The following TUSC3 variants were observed in gnomAD, a reference collection of about 807,000 sequenced individuals.
The protein encoded by TUSC3 is dolichyl-diphosphooligosaccharide--protein glycosyltransferase subunit TUSC3.
A neutral mutation model predicts 44.8 loss-of-function variants in TUSC3; 45 were observed. That is an observed-to-expected ratio of 1.00 (90% CI 0.79 to 1.29). The LOEUF is 1.29. TUSC3 is among the 50% of genes most tolerant of loss of function. The pLI, the probability that TUSC3 is intolerant of heterozygous loss-of-function variation, is 0.00. For missense variants in TUSC3, 519 were observed against 437.9 expected (o/e 1.19, Z -1.65); for synonymous variants, 212 against 152.9 (o/e 1.39, Z -2.85).
chr8:15,435,693 T>C (rs1799936886), intron 1 of TUSC3, among the ~76,000 whole-genome samples: 1 of 152,302 alleles, frequency 6.6e-6, no homozygotes, highest in East Asian at 1.9e-4. Context: ...GGAATAAAAA[T>C]CTCACCTTAC....
chr8:15,562,502 C>T (rs879922536), intron 1 of TUSC3, among the ~76,000 whole-genome samples: 2 of 152,076 alleles, frequency 1.3e-5, no homozygotes, highest in Non-Finnish European at 2.9e-5. Context: ...ACACCCATTT[C>T]TTATCTCCTA....
chr8:15,782,403 C>T, the TUSC3 span, among the ~76,000 whole-genome samples: 1 of 152,066 alleles, frequency 6.6e-6, no homozygotes, highest in African/African-American at 2.4e-5. Flanking sequence ...CAGTTGGGCT[C>T]AGGAATTTGA....
intron 1 of TUSC3, among the ~76,000 whole-genome samples, chr8:15,618,797 T>A (rs565756250): frequency 6.6e-6 from 1 of 152,334 alleles, no homozygotes; most frequent in South Asian, 2.1e-4. Flanking sequence ...AGTAGCTTTG[T>A]TTACACCAGC....
intron 6 of TUSC3, among the ~76,000 whole-genome samples, chr8:15,717,070 A>C (rs1391149513): frequency 1.3e-5 from 2 of 152,128 alleles, no homozygotes; most frequent in African/African-American, 2.4e-5. Context: ...TTTTCCCTAC[A>C]ATAGACAGAA....
intron 1 of TUSC3, among the ~76,000 whole-genome samples, chr8:15,574,014 G>A (rs1198131565): frequency 6.6e-6 from 1 of 152,036 alleles, no homozygotes; most frequent in African/African-American, 2.4e-5. Flanking sequence ...CCATTTTTTG[G>A]TGATGTTTTG....
intron 6 of TUSC3, among the ~76,000 whole-genome samples, chr8:15,688,231 A>G (rs1450329693): frequency 1.3e-5 from 2 of 152,156 alleles, no homozygotes; most frequent in South Asian, 4.1e-4. Context: ...TACATTCAGG[A>G]TTGAAAAAAG....
At chr8:15,596,679 A>T (rs1046079762) in intron 1 of TUSC3, among the ~76,000 whole-genome samples, 1 of 152,060 alleles carries the variant, frequency 6.6e-6, no homozygotes, top group South Asian at 2.1e-4. Context: ...AATTGATTTT[A>T]TTTAATTGAT....
intron 3 of TUSC3, among the ~76,000 whole-genome samples, chr8:15,654,332 T>G (rs964992578): frequency 3.3e-5 from 5 of 152,156 alleles, no homozygotes; most frequent in African/African-American, 9.7e-5. Flanking sequence ...AACTGGTAAC[T>G]GTGTGCTTTG....
chr8:15,556,435 G>C (rs997957609), intron 1 of TUSC3, among the ~76,000 whole-genome samples: 1 of 151,330 alleles, frequency 6.6e-6, no homozygotes, highest in Non-Finnish European at 1.5e-5. Context: ...CCAAGTCTTT[G>C]CTGTTGTGAA....
At chr8:15,630,191 T>C (rs1005772371) in intron 2 of TUSC3, among the ~76,000 whole-genome samples, 2 of 152,024 alleles carry the variant, frequency 1.3e-5, no homozygotes, top group Non-Finnish European at 2.9e-5. Flanking sequence ...GAAAATTCAG[T>C]TGAAGGGAAA....
intron 1 of TUSC3, among the ~76,000 whole-genome samples, chr8:15,461,295 A>T (rs1800341350): frequency 6.6e-6 from 1 of 151,724 alleles, no homozygotes; most frequent in Non-Finnish European, 1.5e-5. Context: ...TTGTTTTTGC[A>T]GCTATTGTAA....
In TUSC3 at chr8:15,485,472, T is replaced by TG. The variant is rs1210579490; in HGVS notation, n.189+1989_189+1990insG. Among the ~76,000 whole-genome samples, 18 of 151,340 alleles carry TG rather than the reference T, an allele frequency of 1.2e-4. No homozygotes were observed. The South Asian group carries it at 1.3e-3, about 11-fold the overall frequency. On this transcript the variant is annotated intron_variant and non_coding_transcript_variant, in intron 2 of 5. Transcript: ENST00000503191. ...TCATTATACTCTGTTGTCTTTTTTT[T>TG]TTTGTTTTTTGTGACACAGAGTTCT...
intron 2 of TUSC3, among the ~76,000 whole-genome samples, chr8:15,532,133 G>A (rs2129130819): frequency 6.6e-6 from 1 of 152,112 alleles, no homozygotes. Flanking sequence ...AACTAGCTTA[G>A]TATACTGATA....
At chr8:15,655,802 TTATTAC>T (rs1306594347) in intron 3 of TUSC3, among the ~76,000 whole-genome samples, 2 of 152,232 alleles carry the variant, frequency 1.3e-5, no homozygotes, top group African/African-American at 4.8e-5. Flanking sequence ...TAAATAGTTC[TTATTAC>T]TATTACATAA....
At chr8:15,571,038 C>A (rs1178925487) in intron 1 of TUSC3, among the ~76,000 whole-genome samples, 1 of 129,928 alleles carries the variant, frequency 7.7e-6, no homozygotes, top group Non-Finnish European at 1.6e-5. Context: ...CTCACTGCAA[C>A]CTCTACCTCC....
intron 6 of TUSC3, among the ~76,000 whole-genome samples, chr8:15,699,313 T>G (rs1454345321): frequency 6.6e-6 from 1 of 152,220 alleles, no homozygotes; most frequent in Non-Finnish European, 1.5e-5. Flanking sequence ...AAAGTGTTTT[T>G]CATTTTCTCC....
chr8:15,563,333 G>A (rs1802547043), intron 1 of TUSC3, among the ~76,000 whole-genome samples: 1 of 152,078 alleles, frequency 6.6e-6, no homozygotes, highest in South Asian at 2.1e-4. Flanking sequence ...AGTAGTCTCT[G>A]AAAGGCTACT....
chr8:15,651,573 G>A (rs925685527), intron 3 of TUSC3, among the ~76,000 whole-genome samples: 2 of 152,196 alleles, frequency 1.3e-5, no homozygotes, highest in Admixed American at 6.5e-5. Flanking sequence ...GAGCAGGAGT[G>A]CATGTGCAGA....
chr8:15,445,872 G>GCTGCAATCTCGGCACTTTGGGAGGCCAA (rs1800089195), intron 1 of TUSC3, among the ~76,000 whole-genome samples: 1 of 151,386 alleles, frequency 6.6e-6, no homozygotes, highest in African/African-American at 2.4e-5. Flanking sequence ...CCGGGCAGAG[G>GCTGCAATCTCGGCACTTTGGGAGGCCAA]GGCTCCTCAC....
Sources: gnomAD v4.1 joint callset for allele counts (sites outside exome capture counted in the v4.1 genomes callset) on GRCh38, gnomAD v4.1.1 for gene constraint, MANE v1.5 for transcripts, NCBI Gene and HGNC (gene_info 2026-07-23, HGNC 2026-07-21) for gene names.